The following GRB14 variants were observed in gnomAD, a reference collection of about 807,000 sequenced individuals.
GRB14 encodes growth factor receptor-bound protein 14.
In GRB14, 38 loss-of-function variants were observed where a neutral mutation model predicts 69.1. The ratio of observed to expected loss-of-function variants is 0.55; its 90% CI spans 0.42 to 0.72. The LOEUF (loss-of-function observed/expected upper bound fraction) is 0.72, where lower values mean the gene tolerates loss of function less well. Ranked by LOEUF, GRB14 falls within the 30% of genes least tolerant of loss-of-function variation. The pLI, the probability that GRB14 is intolerant of heterozygous loss-of-function variation, is 0.00. For missense variants in GRB14, 666 were observed against 666.1 expected (o/e 1.00, Z 0.00); for synonymous variants, 247 against 241.3 (o/e 1.02, Z -0.22).
At chr2:164,512,147 T>G (rs1015780300) in intron 6 of GRB14, among the ~76,000 whole-genome samples, 11 of 152,062 alleles carry the variant, frequency 7.2e-5, no homozygotes, top group Admixed American at 2.0e-4. Context: ...TTCCAAGGTT[T>G]TTTGTTTATT....
intron 5 of GRB14, among the ~76,000 whole-genome samples, chr2:164,524,271 CA>C (rs1189887256): frequency 6.6e-6 from 1 of 151,932 alleles, no homozygotes; most frequent in Non-Finnish European, 1.5e-5. Flanking sequence ...AGACATTGCT[CA>C]ACATTAACCT....
At chr2:164,565,203 G>A (rs1474473270) in intron 2 of GRB14, among the ~76,000 whole-genome samples, 4 of 151,902 alleles carry the variant, frequency 2.6e-5, no homozygotes, top group South Asian at 4.2e-4. Context: ...TTAACTCTCC[G>A]GGACCTTAAA....
chr2:164,621,185 G>T lies in GRB14; in HGVS notation c.125C>A (p.Ala42Asp). The T allele has an allele frequency of 8.0e-7, 1 of 1,243,256 alleles. No homozygotes were observed. The highest frequency in any genetic ancestry group is 1.0e-6 in the Non-Finnish European group (1 of 988,234). The allele number at this position is 1,243,256 out of a possible 1,614,324, so 77.0% of individuals were successfully genotyped here. ...GAGCGCTCGCGCGTGCAGCCAGGGG[G>T]CCGGCGCCAGGTCGTGGGCGTCGCC... ...GRGDAHDLAP[A>D]PWLHARALLP... Residue 42 changes from alanine (A) to aspartate (D), a missense_variant, in exon 1 of 14, where the codon GCC becomes GAC. Coordinates refer to ENST00000263915, the MANE Select transcript of GRB14 (RefSeq NM_004490.3). This position sits in a 1 kb window ranked among gnomAD's most constrained non-coding sequence, Gnocchi z 6.0.
At chr2:164,513,160 G>A (rs1363059195) in intron 6 of GRB14, among the ~76,000 whole-genome samples, 1 of 151,330 alleles carries the variant, frequency 6.6e-6, no homozygotes, top group East Asian at 1.9e-4. Flanking sequence ...CTTCCCTTCA[G>A]TCTCTTTTTC....
chr2:164,572,833 G>A (rs1293355324), intron 2 of GRB14, among the ~76,000 whole-genome samples: 4 of 152,144 alleles, frequency 2.6e-5, no homozygotes, highest in Non-Finnish European at 5.9e-5. Flanking sequence ...GCAATAAGGA[G>A]ATGTTTCTTG....
chr2:164,552,637 T>A (rs1688572668), intron 2 of GRB14, among the ~76,000 whole-genome samples: 1 of 152,150 alleles, frequency 6.6e-6, no homozygotes, highest in African/African-American at 2.4e-5. Flanking sequence ...AAACACACTG[T>A]CAAAATCAGA....
chr2:164,531,033 T>C (rs1687921378), intron 3 of GRB14, among the ~76,000 whole-genome samples: 1 of 152,176 alleles, frequency 6.6e-6, no homozygotes, highest in Non-Finnish European at 1.5e-5. Flanking sequence ...TCTTGATGTA[T>C]TTTGAAGGTA....
At chr2:164,529,379 A>G (rs1687864292) in intron 3 of GRB14, among the ~76,000 whole-genome samples, 1 of 152,200 alleles carries the variant, frequency 6.6e-6, no homozygotes, top group East Asian at 1.9e-4. Context: ...ATATAACGCC[A>G]CTGAACTGTA....
At chr2:164,547,078 T>C (rs1688399564) in intron 3 of GRB14, among the ~76,000 whole-genome samples, 1 of 150,788 alleles carries the variant, frequency 6.6e-6, no homozygotes, top group Non-Finnish European at 1.5e-5. Context: ...CTAAGGAATA[T>C]ATCCAATAAA....
intron 2 of GRB14, among the ~76,000 whole-genome samples, chr2:164,604,294 G>T (rs6707635): frequency 0.15 from 23,358 of 152,038 alleles, 1,939 homozygotes; most frequent in African/African-American, 0.18. Context: ...CTTTAATGAT[G>T]GAAATTGAGA....
chr2:164,540,217 G>C (rs1196135632), intron 3 of GRB14, among the ~76,000 whole-genome samples: 4 of 152,158 alleles, frequency 2.6e-5, no homozygotes, highest in Admixed American at 2.0e-4. Flanking sequence ...CCTCTGTCTA[G>C]AACAATCTTC....
At chr2:164,524,432 T>C (rs376529911) in intron 5 of GRB14, among the ~76,000 whole-genome samples, 4 of 152,114 alleles carry the variant, frequency 2.6e-5, no homozygotes, top group Non-Finnish European at 5.9e-5. Flanking sequence ...ATGAGTCCAA[T>C]AGACACAAAA....
chr2:164,533,274 C>CG (rs1166922678), intron 3 of GRB14, among the ~76,000 whole-genome samples: 1 of 142,710 alleles, frequency 7.0e-6, no homozygotes, highest in Non-Finnish European at 1.5e-5. Context: ...GCTCTGTCGC[C>CG]CATGGTGGAG....
chr2:164,592,022 G>A (rs1689677401), intron 2 of GRB14, among the ~76,000 whole-genome samples: 1 of 152,152 alleles, frequency 6.6e-6, no homozygotes, highest in African/African-American at 2.4e-5. Flanking sequence ...CACCATGTAA[G>A]ATGTGCCTTT....
At chr2:164,606,561 T>C (rs995990993) in intron 2 of GRB14, among the ~76,000 whole-genome samples, 26 of 152,162 alleles carry the variant, frequency 1.7e-4, no homozygotes, top group Non-Finnish European at 2.5e-4. Context: ...CTTCTATATC[T>C]TTCCCAAGGT....
Position 164,508,436 on chromosome 2 carries a change from A to G in GRB14, c.1023+19T>C. The stretch of plus-strand genomic sequence containing the variant: ...TACTCACAGCAGTTAATAGAAATTC[A>G]TGCCTCCGGCGAGATTACCTTAAGC... On this transcript the variant is annotated intron_variant, in intron 8 of 13. Transcript: ENST00000263915. 1 of 1,598,094 alleles carries G rather than the reference A, an allele frequency of 6.3e-7. No homozygotes were observed. The highest frequency in any genetic ancestry group is 8.6e-7 in the Non-Finnish European group (1 of 1,165,808).
At chr2:164,501,931 T>C (rs1434261879) in intron 9 of GRB14, among the ~76,000 whole-genome samples, 1 of 151,968 alleles carries the variant, frequency 6.6e-6, no homozygotes, top group African/African-American at 2.4e-5. Context: ...TTCTATAAAT[T>C]ATATTTTTAA....
chr2:164,595,373 T>G (rs1689758410), intron 2 of GRB14, among the ~76,000 whole-genome samples: 1 of 152,190 alleles, frequency 6.6e-6, no homozygotes, highest in African/African-American at 2.4e-5. Context: ...ACAGATGTTA[T>G]ACATGCTATG....
intron 6 of GRB14, among the ~76,000 whole-genome samples, chr2:164,515,706 A>G (rs1687463561): frequency 6.6e-6 from 1 of 152,060 alleles, no homozygotes; most frequent in Non-Finnish European, 1.5e-5. Flanking sequence ...GATCCAAACC[A>G]AGAAGAAATC....
Sources: allele counts gnomAD v4.1 joint callset (sites outside exome capture counted in the v4.1 genomes callset), GRCh38; gene constraint gnomAD v4.1.1; non-coding constraint Gnocchi (gnomAD v3.1); transcripts MANE v1.5; gene names NCBI Gene and HGNC (gene_info 2026-07-23, HGNC 2026-07-21).